Variants in LINGO2 observed in about 807,000 individuals in gnomAD.
The protein encoded by LINGO2 is leucine rich repeat and Ig domain containing 2, also known as leucine-rich repeat and immunoglobulin-like domain-containing nogo receptor-interacting protein 2.
A neutral mutation model predicts 30.6 loss-of-function variants in LINGO2; 14 were observed. The ratio of observed to expected loss-of-function variants is 0.46; its 90% CI spans 0.30 to 0.72. The LOEUF (loss-of-function observed/expected upper bound fraction) is 0.72. Among genes scored for constraint, LINGO2 ranks in the 30% least tolerant of loss-of-function variants. The pLI, the probability that LINGO2 is intolerant of heterozygous loss-of-function variation, is 0.07. For synonymous variants in LINGO2, 317 were observed against 288.5 expected, an observed-to-expected ratio of 1.10 and a Z score of -1.00; for missense variants, 729 against 751.7, an observed-to-expected ratio of 0.97 and a Z score of 0.35.
chr9:28,285,607 G>A (rs1410012236), intron 4 of LINGO2, among the ~76,000 whole-genome samples: 6 of 151,516 alleles, frequency 4.0e-5, no homozygotes, highest in South Asian at 2.1e-4. Context: ...GGGTTTCACC[G>A]TGTTAGCCAG....
chr9:28,527,695 G>A (rs1337174680), intron 1 of LINGO2, among the ~76,000 whole-genome samples: 1 of 152,074 alleles, frequency 6.6e-6, no homozygotes, highest in Non-Finnish European at 1.5e-5. Flanking sequence ...AACACTGTGT[G>A]CTTACCTCAG....
the LINGO2 span, among the ~76,000 whole-genome samples, chr9:29,126,153 C>T: frequency 1.3e-5 from 2 of 152,188 alleles, no homozygotes; most frequent in East Asian, 3.9e-4. Flanking sequence ...AATCAATCAA[C>T]CCCAATTATG....
At chr9:28,988,143 TATC>T in the LINGO2 span, among the ~76,000 whole-genome samples, 1 of 152,190 alleles carries the variant, frequency 6.6e-6, no homozygotes, top group Non-Finnish European at 1.5e-5. Flanking sequence ...AGTTTCCTAT[TATC>T]ATTGCAATAT....
intron 2 of LINGO2, among the ~76,000 whole-genome samples, chr9:28,374,228 A>ATATATATATATATATATATATATG (rs1554713032): frequency 1.4e-5 from 2 of 146,982 alleles, no homozygotes; most frequent in East Asian, 2.0e-4. Context: ...ATATATATAT[A>ATATATATATATATATATATATATG]TATGTAATAT....
chr9:29,061,804 A>G, the LINGO2 span, among the ~76,000 whole-genome samples: 2 of 152,104 alleles, frequency 1.3e-5, no homozygotes, highest in African/African-American at 4.8e-5. Flanking sequence ...AAGCACAGGC[A>G]ATAAAACAAA....
the LINGO2 span, among the ~76,000 whole-genome samples, chr9:28,841,892 C>A: frequency 6.6e-6 from 1 of 151,634 alleles, no homozygotes; most frequent in Non-Finnish European, 1.5e-5. Context: ...ATCTTGAGAG[C>A]TAATAAAAAC....
At chr9:28,548,548 A>T (rs1822075057) in intron 1 of LINGO2, among the ~76,000 whole-genome samples, 1 of 151,720 alleles carries the variant, frequency 6.6e-6, no homozygotes, top group African/African-American at 2.4e-5. Context: ...TACTAAAAAT[A>T]CAAAAATTAG....
At chr9:28,557,782 G>C (rs552347052) in intron 1 of LINGO2, among the ~76,000 whole-genome samples, 15 of 151,826 alleles carry the variant, frequency 9.9e-5, no homozygotes, top group African/African-American at 3.4e-4. Context: ...TTAAGAAAAT[G>C]TGGCACATAT....
chr9:28,506,207 C>G (rs1367511686), intron 1 of LINGO2, among the ~76,000 whole-genome samples: 2 of 151,200 alleles, frequency 1.3e-5, no homozygotes, highest in African/African-American at 4.9e-5. Context: ...AACTTCTGTT[C>G]CACACTTAAA....
At chr9:27,974,820 G>A (rs1008511879) in intron 5 of LINGO2, among the ~76,000 whole-genome samples, 2 of 152,084 alleles carry the variant, frequency 1.3e-5, no homozygotes, top group African/African-American at 2.4e-5. Flanking sequence ...AGAAAGGGTC[G>A]ACAGGGCAAG....
At chr9:29,052,396 C>G in the LINGO2 span, among the ~76,000 whole-genome samples, 2 of 152,006 alleles carry the variant, frequency 1.3e-5, no homozygotes, top group African/African-American at 2.4e-5. Context: ...ATAATAAAGG[C>G]CTTTTACATG....
chr9:28,373,922 T>C (rs1821009260), intron 2 of LINGO2, among the ~76,000 whole-genome samples: 1 of 148,710 alleles, frequency 6.7e-6, no homozygotes, highest in Non-Finnish European at 1.5e-5. Context: ...AAAAAAGATA[T>C]GGATTCAGAC....
chr9:28,009,555 C>A (rs1432254597), intron 5 of LINGO2, among the ~76,000 whole-genome samples: 53 of 151,930 alleles, frequency 3.5e-4, no homozygotes, highest in Admixed American at 3.5e-3. Flanking sequence ...GACAAAAGAT[C>A]TGAATAGATA....
exon 6 of LINGO2, chr9:27,949,350 A>G (rs778374208): frequency 1.9e-6 from 3 of 1,614,000 alleles, no homozygotes; most frequent in Admixed American, 3.3e-5. Flanking sequence ...CCAGGAAATC[A>G]CAGGCTGCGG....
rs1206310514 is a variant in LINGO2, at chr9:28,180,169, C to A, written c.-87+115039G>T. ...TTTCCTGTAAACCATAGCAAGAAAG[C>A]AAAACCGTCTGCTTTATCTGTCACC... On this transcript the variant is annotated intron_variant, in intron 4 of 5. Transcript: ENST00000379992. Among the ~76,000 whole-genome samples, 3 of 152,080 alleles carry A rather than the reference C, an allele frequency of 2.0e-5. No homozygotes were observed. In the East Asian group the frequency reaches 5.8e-4, roughly 29 times the overall value.
At chr9:28,787,106 G>C in the LINGO2 span, among the ~76,000 whole-genome samples, 2 of 152,144 alleles carry the variant, frequency 1.3e-5, no homozygotes, top group Admixed American at 6.5e-5. Flanking sequence ...GCTTAGAATA[G>C]TTGTAATAAT....
In LINGO2 at chr9:28,348,295, C is replaced by T. The variant is rs559378224; in HGVS notation, c.-246+24541G>A. Among the ~76,000 whole-genome samples, 8 of 151,918 alleles carry T rather than the reference C, an allele frequency of 5.3e-5. No homozygotes were observed. In the East Asian group the frequency reaches 5.8e-4, roughly 11 times the overall value. ...GGCACAGGTCAGTGGGTGTGTGCAC[C>T]GTGCACGAGCCAAAGCAGGGCGAGG... On this transcript the variant is annotated intron_variant, in intron 3 of 5. Transcript: ENST00000379992.
At chr9:28,905,278 CA>C in the LINGO2 span, among the ~76,000 whole-genome samples, 81,579 of 130,720 alleles carry the variant, frequency 0.62, 24,516 homozygotes, top group East Asian at 0.68. Flanking sequence ...ACAACAAAAG[CA>C]AAAAAAAAAA....
At chr9:28,633,001 C>T (rs1456631530) in intron 1 of LINGO2, among the ~76,000 whole-genome samples, 1 of 150,164 alleles carries the variant, frequency 6.7e-6, no homozygotes, top group Non-Finnish European at 1.5e-5. Flanking sequence ...AGCCCGAGAG[C>T]CAGCCCAAGT....
Sources: allele counts gnomAD v4.1 joint callset (sites outside exome capture counted in the v4.1 genomes callset), GRCh38; gene constraint gnomAD v4.1.1; transcripts MANE v1.5; gene names NCBI Gene and HGNC (gene_info 2026-07-23, HGNC 2026-07-21).